CSMD1: variants seen among roughly 807,000 people sequenced by gnomAD.
The protein encoded by CSMD1 is CUB and Sushi multiple domains 1, also known as CUB and sushi domain-containing protein 1.
Under a neutral mutation model 417.5 loss-of-function variants are expected in CSMD1, and 213 were observed. The observed-to-expected ratio is 0.51, with a 90% CI of 0.46 to 0.57. The LOEUF is 0.57. Ranked by LOEUF, CSMD1 falls within the 20% of genes least tolerant of loss-of-function variation. The pLI is 0.00. For missense variants in CSMD1, 6,923 were observed against 4,529.7 expected, an observed-to-expected ratio of 1.53 and a Z score of -15.17; for synonymous variants, 2,862 against 1,736.8, an observed-to-expected ratio of 1.65 and a Z score of -16.11.
chr8:3,894,345 C>G (rs1269809759), intron 5 of CSMD1, among the ~76,000 whole-genome samples: 1 of 152,114 alleles, frequency 6.6e-6, no homozygotes, highest in African/African-American at 2.4e-5. Context: ...TTTTTTCTAT[C>G]ACGAGGATTA....
intron 52 of CSMD1, among the ~76,000 whole-genome samples, chr8:3,014,168 C>T (rs1285073799): frequency 6.6e-6 from 1 of 150,570 alleles, no homozygotes; most frequent in East Asian, 2.0e-4. Flanking sequence ...TTCAACTATG[C>T]CCTGATCGAA....
Position 3,335,246 on chromosome 8 carries a change from C to T in CSMD1, c.3631+8048G>A, listed in dbSNP as rs141109154. On this transcript the variant is annotated intron_variant, in intron 23 of 69. Transcript: ENST00000635120. ...TGCCCATACCCTCTGCTCTGTGTTA[C>T]GAATTCACAGTTCCAACCTCTCAGT... Among the ~76,000 whole-genome samples, 13 of 152,226 alleles carry T rather than the reference C, an allele frequency of 8.5e-5. No homozygotes were observed. In the South Asian group the frequency reaches 1.0e-3, roughly 12 times the overall value.
chr8:3,253,011 C>A (rs1291755095), intron 26 of CSMD1, among the ~76,000 whole-genome samples: 1 of 151,980 alleles, frequency 6.6e-6, no homozygotes, highest in Admixed American at 6.6e-5. Flanking sequence ...TTCAAAAAAC[C>A]AGCTCCTGGA....
At chr8:3,581,921 C>T (rs1800399200) in intron 9 of CSMD1, among the ~76,000 whole-genome samples, 1 of 152,168 alleles carries the variant, frequency 6.6e-6, no homozygotes, top group Non-Finnish European at 1.5e-5. Flanking sequence ...TCTCCTGCCT[C>T]AGCCTCCCGA....
chr8:4,861,638 T>C (rs1425635650), intron 1 of CSMD1, among the ~76,000 whole-genome samples: 1 of 152,116 alleles, frequency 6.6e-6, no homozygotes, highest in Non-Finnish European at 1.5e-5. Context: ...CTAAAATATA[T>C]ATGCATTTAA....
At chr8:4,082,154 G>T (rs1391384099) in intron 3 of CSMD1, among the ~76,000 whole-genome samples, 1 of 152,092 alleles carries the variant, frequency 6.6e-6, no homozygotes, top group Non-Finnish European at 1.5e-5. Flanking sequence ...AATCTCTATA[G>T]ATCCTAAGGA....
intron 3 of CSMD1, among the ~76,000 whole-genome samples, chr8:4,197,541 A>G (rs7837656): frequency 0.11 from 16,164 of 152,140 alleles, 1,207 homozygotes; most frequent in African/African-American, 0.19. Flanking sequence ...TGGTCTTCCA[A>G]CTAAAACACT....
chr8:4,943,443 C>A (rs1237887752), intron 1 of CSMD1, among the ~76,000 whole-genome samples: 1 of 151,626 alleles, frequency 6.6e-6, no homozygotes, highest in Non-Finnish European at 1.5e-5. Flanking sequence ...TTGCAGTGAG[C>A]TGAGGTCGCA....
chr8:3,921,965 A>G (rs112956480), intron 5 of CSMD1, among the ~76,000 whole-genome samples: 1,776 of 152,220 alleles, frequency 0.012, 21 homozygotes, highest in African/African-American at 0.038. Flanking sequence ...TGACATGTCT[A>G]TTTTGGAAAG....
At chr8:4,035,332 T>A (rs1344015868) in intron 3 of CSMD1, among the ~76,000 whole-genome samples, 1 of 152,222 alleles carries the variant, frequency 6.6e-6, no homozygotes, top group East Asian at 1.9e-4. Context: ...CAACTGTCAC[T>A]GGTTTTTCTA....
intron 1 of CSMD1, among the ~76,000 whole-genome samples, chr8:4,762,264 A>T (rs1000427846): frequency 6.6e-6 from 1 of 152,118 alleles, no homozygotes; most frequent in African/African-American, 2.4e-5. Flanking sequence ...TAATGGGATA[A>T]TTGTGTGGTT....
intron 3 of CSMD1, among the ~76,000 whole-genome samples, chr8:4,171,968 T>C (rs1340241034): frequency 6.6e-6 from 1 of 152,202 alleles, no homozygotes; most frequent in Admixed American, 6.5e-5. Flanking sequence ...AATGTAATAA[T>C]CAGCATCCTT....
At chr8:3,543,907 C>G (rs994709102) in intron 10 of CSMD1, among the ~76,000 whole-genome samples, 10 of 152,104 alleles carry the variant, frequency 6.6e-5, no homozygotes, top group African/African-American at 2.2e-4. Context: ...GTGGAGGACC[C>G]TGAGAACTCC....
At chr8:3,708,304 G>A (rs563374594) in intron 7 of CSMD1, 110 bp downstream of exon 7, 1 of 803,892 alleles carries the variant, frequency 1.2e-6, no homozygotes, top group African/African-American at 1.7e-5. Context: ...AGAAAAGAAG[G>A]AAGAGATAAC....
chr8:4,386,328 C>T lies in CSMD1; in HGVS notation c.415+33625G>A, dbSNP rs532100389. Among the ~76,000 whole-genome samples, 16 of 151,696 alleles carry T rather than the reference C, an allele frequency of 1.1e-4. 1 individual carries two copies. The highest frequency in any genetic ancestry group is 1.6e-4 in the Non-Finnish European group (11 of 67,978). ...CACTATCAGACATTCTCCTACCTTCCGTCCTCGGTTATGACTTCCATCCCA... is the reference window on the plus strand; with the variant it reads ...CACTATCAGACATTCTCCTACCTTCTGTCCTCGGTTATGACTTCCATCCCA... On this transcript the variant is annotated intron_variant, in intron 3 of 69. Coordinates refer to ENST00000635120, the MANE Select transcript of CSMD1 (RefSeq NM_033225.6).
At chr8:4,306,944 G>C in intron 3 of CSMD1, among the ~76,000 whole-genome samples, 1 of 151,912 alleles carries the variant, frequency 6.6e-6, no homozygotes, top group East Asian at 1.9e-4. Context: ...AGTATCTGTC[G>C]ATCCTACCCC....
intron 2 of CSMD1, among the ~76,000 whole-genome samples, chr8:4,541,426 G>A (rs1476208657): frequency 6.6e-6 from 1 of 152,134 alleles, no homozygotes; most frequent in Non-Finnish European, 1.5e-5. Flanking sequence ...ACTTCTAAGT[G>A]GGCTCCACTT....
At chr8:4,764,546 G>T (rs1433302102) in intron 1 of CSMD1, among the ~76,000 whole-genome samples, 4 of 152,022 alleles carry the variant, frequency 2.6e-5, no homozygotes, top group African/African-American at 4.8e-5. Context: ...GCCCAAATTG[G>T]AAACCAGCCA....
chr8:3,684,108 ATTATATAATATATAAT>A (rs137909752), intron 7 of CSMD1, among the ~76,000 whole-genome samples: 19,988 of 144,622 alleles, frequency 0.14, 1,620 homozygotes, highest in South Asian at 0.21. Flanking sequence ...GATATTATAT[ATTATATAATATATAAT>A]TTATATAATA....
Sources: gnomAD v4.1 joint callset for allele counts (sites outside exome capture counted in the v4.1 genomes callset) on GRCh38, gnomAD v4.1.1 for gene constraint, MANE v1.5 for transcripts, NCBI Gene and HGNC (gene_info 2026-07-23, HGNC 2026-07-21) for gene names.